Variants in ROCK1 observed in about 807,000 individuals in gnomAD.
The protein encoded by ROCK1 is Rho associated coiled-coil containing protein kinase 1.
ROCK1 carries 36 observed loss-of-function variants against 196.8 expected under a neutral mutation model. The ratio of observed to expected loss-of-function variants is 0.18; its 90% CI spans 0.14 to 0.24. The LOEUF (loss-of-function observed/expected upper bound fraction) is 0.24. Ranked by LOEUF, ROCK1 falls within the 10% of genes least tolerant of loss-of-function variation. The pLI is 1.00. For missense variants in ROCK1, 920 were observed against 1,562.0 expected (o/e 0.59, Z 6.93); for synonymous variants, 443 against 515.9 (o/e 0.86, Z 1.91).
At chr18:20,955,990 G>A (rs2035238129) in intron 29 of ROCK1, among the ~76,000 whole-genome samples, 1 of 152,218 alleles carries the variant, frequency 6.6e-6, no homozygotes, top group Admixed American at 6.5e-5. Context: ...AGGGACACTT[G>A]TGATGGAATT....
intron 10 of ROCK1, among the ~76,000 whole-genome samples, chr18:21,024,290 A>G (rs1205133751): frequency 1.3e-5 from 2 of 151,992 alleles, no homozygotes; most frequent in Non-Finnish European, 2.9e-5. Context: ...ATTCAGTGTA[A>G]AGTTAGAATT....
intron 2 of ROCK1, among the ~76,000 whole-genome samples, chr18:21,059,484 G>C (rs1029604982): frequency 6.6e-6 from 1 of 152,134 alleles, no homozygotes; most frequent in African/African-American, 2.4e-5. Context: ...ACTTGTGCTC[G>C]ATGCTACTGA....
chr18:21,042,950 T>C (rs1204486987), intron 6 of ROCK1, among the ~76,000 whole-genome samples: 1 of 152,168 alleles, frequency 6.6e-6, no homozygotes, highest in Non-Finnish European at 1.5e-5. Context: ...TGAATGCATA[T>C]ACACACACAT....
At chr18:21,087,117 A>T (rs2036534432) in intron 1 of ROCK1, among the ~76,000 whole-genome samples, 1 of 152,162 alleles carries the variant, frequency 6.6e-6, no homozygotes, top group Non-Finnish European at 1.5e-5. Context: ...ATATAATGTG[A>T]TGTTTTCTAT....
chr18:21,001,081 G>C (rs1476150427), intron 16 of ROCK1, among the ~76,000 whole-genome samples: 2 of 152,148 alleles, frequency 1.3e-5, no homozygotes, highest in African/African-American at 4.8e-5. Flanking sequence ...ACATATAACA[G>C]AATATTACTC....
chr18:21,059,850 G>T (rs1462524031), intron 2 of ROCK1, among the ~76,000 whole-genome samples: 1 of 152,130 alleles, frequency 6.6e-6, no homozygotes, highest in African/African-American at 2.4e-5. Context: ...GAATATTACT[G>T]GCAATTAAAA....
chr18:21,084,462 C>G (rs978627712), intron 1 of ROCK1, among the ~76,000 whole-genome samples: 1 of 152,070 alleles, frequency 6.6e-6, no homozygotes, highest in South Asian at 2.1e-4. Flanking sequence ...TGAATAAAAA[C>G]GTCTCCAAAG....
intron 1 of ROCK1, among the ~76,000 whole-genome samples, chr18:21,102,847 C>T (rs756546723): frequency 6.6e-6 from 1 of 151,302 alleles, no homozygotes; most frequent in African/African-American, 2.4e-5. Context: ...GCCTGGGTGA[C>T]AGGGCCAGAC....
intron 29 of ROCK1, among the ~76,000 whole-genome samples, chr18:20,958,027 T>A (rs927743801): frequency 2.5e-4 from 38 of 152,128 alleles, no homozygotes; most frequent in African/African-American, 8.2e-4. Context: ...CTGTAAAAAG[T>A]TACTGAAGAG....
At chr18:21,085,895 G>C (rs1291350105) in intron 1 of ROCK1, among the ~76,000 whole-genome samples, 2 of 152,032 alleles carry the variant, frequency 1.3e-5, no homozygotes, top group African/African-American at 2.4e-5. Flanking sequence ...ATTTCAAGGA[G>C]GATTTCCTCC....
At position 20,947,082 on chromosome 18, in the gene ROCK1, G is replaced by GTA. The variant is rs771864610; in HGVS notation, c.*4300_*4301dup. The GTA allele has an allele frequency of 6.6e-6, 1 of 152,166 alleles. No individual in the cohort carries two copies. Among genetic ancestry groups the GTA allele is most frequent in the Non-Finnish European group, 1.5e-5 (1 of 68,048 alleles). 9.4% of individuals were successfully genotyped at this position (152,166 alleles called of 1,614,324 possible). A position where few individuals can be genotyped will look rare whatever the true frequency, so the allele number is the denominator to read the frequency against. On this transcript the variant is annotated 3_prime_UTR_variant, in exon 33 of 33. Coordinates refer to ENST00000399799, the MANE Select transcript of ROCK1 (RefSeq NM_005406.3). ...CATCTCAAATACTTTATGGGAAACAGTATAGCTTGGGAGAAAGTATCATAT... is the reference window on the plus strand; with the variant it reads ...CATCTCAAATACTTTATGGGAAACAGTATATAGCTTGGGAGAAAGTATCATAT...
chr18:20,990,693 CAAAAAAA>C (rs1170099682), intron 18 of ROCK1, among the ~76,000 whole-genome samples: 16 of 22,598 alleles, frequency 7.1e-4, no homozygotes, highest in East Asian at 1.4e-3. Context: ...AACTTCGTCT[CAAAAAAA>C]AAAAAAAAAA....
rs59587626 is a variant in ROCK1, at chr18:21,009,166, CTTTT to C, written c.1411-976_1411-973del. ...GCAATATATGACTTTTTGAGACAGGCTTTTTTTTTTTTTTTTTTTTGTATTTTTA... is the reference window on the plus strand; with the variant it reads ...GCAATATATGACTTTTTGAGACAGGCTTTTTTTTTTTTTTTTGTATTTTTA... On this transcript the variant is annotated intron_variant, in intron 13 of 32. Transcript: ENST00000399799. Among the ~76,000 whole-genome samples the C allele has an allele frequency of 1.7e-3, 212 of 122,056 alleles. 1 individual carries two copies. Among genetic ancestry groups the C allele is most frequent in the African/African-American group, 5.9e-3 (195 of 32,884 alleles). The allele number at this position is 122,056 out of a possible 152,430, so 80.1% of individuals were successfully genotyped here. A position where few individuals can be genotyped will look rare whatever the true frequency, so the allele number is the denominator to read the frequency against.
At chr18:21,085,632 G>C (rs2036520424) in intron 1 of ROCK1, among the ~76,000 whole-genome samples, 2 of 152,154 alleles carry the variant, frequency 1.3e-5, no homozygotes, top group African/African-American at 4.8e-5. Context: ...ATGTAAGGGA[G>C]AACAGGCTTA....
intron 10 of ROCK1, among the ~76,000 whole-genome samples, chr18:21,024,440 A>T (rs1450493942): frequency 1.3e-5 from 2 of 152,204 alleles, no homozygotes; most frequent in Non-Finnish European, 2.9e-5. Context: ...AGGTACTAGT[A>T]CTGCCAGTGT....
At chr18:20,992,015 A>C (rs1209710054) in intron 17 of ROCK1, among the ~76,000 whole-genome samples, 1 of 152,148 alleles carries the variant, frequency 6.6e-6, no homozygotes, top group Non-Finnish European at 1.5e-5. Flanking sequence ...TTGCTTTCAC[A>C]AAAAAACAAA....
Position 21,042,587 on chromosome 18 carries a change from T to C in ROCK1, c.798A>G (p.Val266=), listed in dbSNP as rs141016233. ...GRECDWWSVG[V]FLYEMLVGDT... is the part of the protein sequence containing the mutation. Reference sequence around the variant, plus strand: ...CACCTACAAGCATTTCGTATAAAAATACCCCAACCGACCACCAGTCACATT... The same window carrying C: ...CACCTACAAGCATTTCGTATAAAAACACCCCAACCGACCACCAGTCACATT... Residue 266 remains valine, a synonymous_variant, in exon 7 of 33, where the codon GTA becomes GTG. Coordinates refer to ENST00000399799, the MANE Select transcript of ROCK1 (RefSeq NM_005406.3). The C allele has an allele frequency of 5.1e-5, 83 of 1,613,650 alleles. No individual in the cohort carries two copies. Among genetic ancestry groups the C allele is most frequent in the Admixed American group, 8.3e-5 (5 of 59,960 alleles).
intron 1 of ROCK1, among the ~76,000 whole-genome samples, chr18:21,094,748 CAA>C (rs59412229): frequency 1.9e-3 from 265 of 142,094 alleles, no homozygotes; most frequent in Non-Finnish European, 1.7e-3. Flanking sequence ...GATCCTGTCT[CAA>C]AAAAAAAAAA....
rs142720148 is a variant in ROCK1 at position 21,111,289 on chromosome 18, A to G, written c.-379T>C. The G allele has an allele frequency of 5.6e-4, 266 of 471,892 alleles. 2 individuals are homozygous for G. The highest frequency in any genetic ancestry group is 1.5e-3 in the South Asian group (34 of 22,046). The allele number at this position is 471,892 out of a possible 1,614,324, so 29.2% of individuals were successfully genotyped here. On this transcript the variant is annotated 5_prime_UTR_variant, in exon 1 of 33. Transcript: ENST00000399799. This position sits in a 1 kb window ranked among gnomAD's most constrained non-coding sequence, Gnocchi z 4.2. ...GGGCAGGAGCGGGTAGAGAAAGAGA[A>G]GCAGGGTGGAGACTCCCTCCGGGCA...
Sources: allele counts gnomAD v4.1 joint callset (sites outside exome capture counted in the v4.1 genomes callset), GRCh38; gene constraint gnomAD v4.1.1; non-coding constraint Gnocchi (gnomAD v3.1); transcripts MANE v1.5; gene names NCBI Gene and HGNC (gene_info 2026-07-23, HGNC 2026-07-21).